RERE: variants seen among roughly 807,000 people sequenced by gnomAD.
The protein encoded by RERE is arginine-glutamic acid dipeptide repeats protein.
Under a neutral mutation model 146.1 loss-of-function variants are expected in RERE, and 40 were observed. The ratio of observed to expected loss-of-function variants is 0.27; its 90% confidence interval spans 0.21 to 0.36. RERE has a LOEUF of 0.36. Among genes scored for constraint, RERE ranks in the 10% least tolerant of loss-of-function variants. The probability of loss-of-function intolerance (pLI) is 1.00; values close to 1 mark genes in which losing one functional copy is unlikely to be tolerated. For synonymous variants in RERE, 1,003 were observed against 866.0 expected (o/e 1.16, Z -2.78); for missense variants, 1,933 against 2,138.7 (o/e 0.90, Z 1.90).
At chr1:8,512,225 G>A (rs1487719000) in intron 7 of RERE, among the ~76,000 whole-genome samples, 1 of 147,830 alleles carries the variant, frequency 6.8e-6, no homozygotes, top group African/African-American at 2.5e-5. Context: ...AGTAGAGACG[G>A]GGTTTCACCT....
At chr1:8,464,624 A>C (rs1474930448) in intron 11 of RERE, among the ~76,000 whole-genome samples, 1 of 152,198 alleles carries the variant, frequency 6.6e-6, no homozygotes, top group Admixed American at 6.5e-5. Context: ...TGTGTTGCAG[A>C]AACATTCCTG....
At chr1:8,816,704 C>T (rs957522906) in intron 1 of RERE, among the ~76,000 whole-genome samples, 1 of 152,180 alleles carries the variant, frequency 6.6e-6, no homozygotes, top group Non-Finnish European at 1.5e-5. Context: ...TAATCACATA[C>T]AGCTGAGAAC....
At chr1:8,567,783 C>A (rs954931878) in intron 4 of RERE, among the ~76,000 whole-genome samples, 2 of 152,176 alleles carry the variant, frequency 1.3e-5, no homozygotes, top group African/African-American at 4.8e-5. Context: ...CATCTGTAAA[C>A]TACAAGGCTG....
intron 10 of RERE, among the ~76,000 whole-genome samples, chr1:8,490,082 A>G (rs914882917): frequency 4.4e-5 from 6 of 137,252 alleles, no homozygotes; most frequent in African/African-American, 1.1e-4. Context: ...TGTTTGACAG[A>G]ACAGGCGCAG....
At chr1:8,373,474 C>A (rs1460582640) in intron 12 of RERE, among the ~76,000 whole-genome samples, 1 of 151,840 alleles carries the variant, frequency 6.6e-6, no homozygotes, top group Admixed American at 6.6e-5. Context: ...GGGAGAAATC[C>A]CAGCAAGCAA....
At chr1:8,807,063 T>A (rs1641705893) in intron 1 of RERE, 1 of 152,140 alleles carries the variant, frequency 6.6e-6, no homozygotes. Flanking sequence ...TACATTTTGT[T>A]GTTGTTGAGA....
At chr1:8,378,534 A>T (rs1370142155) in intron 12 of RERE, among the ~76,000 whole-genome samples, 1 of 152,178 alleles carries the variant, frequency 6.6e-6, no homozygotes, top group African/African-American at 2.4e-5. Flanking sequence ...CTAATCCAGT[A>T]CGACTGGTGT....
chr1:8,457,048 G>A (rs1238275399), intron 11 of RERE, among the ~76,000 whole-genome samples: 1 of 152,226 alleles, frequency 6.6e-6, no homozygotes, highest in Admixed American at 6.5e-5. Flanking sequence ...TCACCTGGCA[G>A]AGTGTCAATG....
intron 10 of RERE, among the ~76,000 whole-genome samples, chr1:8,491,203 G>A (rs775055850): frequency 6.6e-6 from 1 of 150,584 alleles, no homozygotes; most frequent in Non-Finnish European, 1.5e-5. Flanking sequence ...AACTTTGGGA[G>A]GCCAAGGCAG....
chr1:8,519,650 T>C (rs1021436082), intron 7 of RERE: 2 of 152,212 alleles, frequency 1.3e-5, no homozygotes, highest in Admixed American at 1.3e-4. Flanking sequence ...CTCTATATAC[T>C]GGCAATAAGT....
chr1:8,459,007 G>C (rs1570272788), intron 11 of RERE, among the ~76,000 whole-genome samples: 1 of 152,220 alleles, frequency 6.6e-6, no homozygotes, highest in East Asian at 1.9e-4. Flanking sequence ...CTAATTGACA[G>C]AACTGACTGC....
intron 1 of RERE, among the ~76,000 whole-genome samples, chr1:8,808,912 C>T (rs1245092889): frequency 5.3e-5 from 8 of 151,930 alleles, no homozygotes; most frequent in Admixed American, 1.3e-4. Flanking sequence ...CCAAGGCAGG[C>T]GGATCACGAA....
chr1:8,735,292 GCA>G (rs1387545087), intron 1 of RERE, among the ~76,000 whole-genome samples: 1 of 152,144 alleles, frequency 6.6e-6, no homozygotes, highest in Non-Finnish European at 1.5e-5. Context: ...TAGCATAAGT[GCA>G]CACAGTTTAA....
At chr1:8,435,886 G>A (rs906150670) in intron 11 of RERE, among the ~76,000 whole-genome samples, 1 of 152,198 alleles carries the variant, frequency 6.6e-6, no homozygotes, top group Admixed American at 6.5e-5. Context: ...GCCACTGGGT[G>A]AATATCAGAA....
intron 1 of RERE, among the ~76,000 whole-genome samples, chr1:8,702,070 G>C (rs1425626911): frequency 7.0e-6 from 1 of 142,270 alleles, no homozygotes; most frequent in African/African-American, 2.8e-5. Context: ...TCCAGAAAGA[G>C]GAAAAAAAAA....
At chr1:8,479,983 G>C (rs1433589449) in intron 10 of RERE, among the ~76,000 whole-genome samples, 4 of 152,074 alleles carry the variant, frequency 2.6e-5, no homozygotes, top group African/African-American at 9.7e-5. Context: ...GAGCCCTTCT[G>C]AAACTCATGG....
At chr1:8,522,455 A>G (rs1333706841) in intron 7 of RERE, among the ~76,000 whole-genome samples, 1 of 152,276 alleles carries the variant, frequency 6.6e-6, no homozygotes, top group Non-Finnish European at 1.5e-5. Flanking sequence ...TCAGAAGGAA[A>G]AGAATCAGGA....
intron 1 of RERE, among the ~76,000 whole-genome samples, chr1:8,710,530 G>T (rs534234622): frequency 6.6e-6 from 1 of 152,030 alleles, no homozygotes; most frequent in Non-Finnish European, 1.5e-5. Context: ...TTGTTTGTTT[G>T]TTTTTTGAGA....
chr1:8,778,653 A>G (rs1439679977), intron 1 of RERE, among the ~76,000 whole-genome samples: 2 of 152,088 alleles, frequency 1.3e-5, no homozygotes, highest in African/African-American at 4.8e-5. Flanking sequence ...CCTGGGCAAC[A>G]TGGCAAAACC....
Sources: allele counts gnomAD v4.1 joint callset (sites outside exome capture counted in the v4.1 genomes callset), GRCh38; gene constraint gnomAD v4.1.1; transcripts MANE v1.5; gene names NCBI Gene and HGNC (gene_info 2026-07-23, HGNC 2026-07-21).